TEX14: variants seen among roughly 807,000 people sequenced by gnomAD.
The protein encoded by TEX14 is testis expressed 14, intercellular bridge forming factor.
Under a neutral mutation model 178.6 loss-of-function variants are expected in TEX14, and 168 were observed. The ratio of observed to expected loss-of-function variants is 0.94; its 90% CI spans 0.83 to 1.07. The LOEUF (loss-of-function observed/expected upper bound fraction) is 1.07. TEX14 is among the 50% of genes least tolerant of loss of function. The probability of loss-of-function intolerance (pLI) is 0.00; values close to 1 mark genes in which losing one functional copy is unlikely to be tolerated. For missense variants in TEX14, 1,730 were observed against 1,753.6 expected (o/e 0.99, Z 0.24); for synonymous variants, 626 against 634.1 (o/e 0.99, Z 0.19).
intron 10 of TEX14, among the ~76,000 whole-genome samples, chr17:58,608,416 CAA>C (rs561515686): frequency 4.6e-5 from 5 of 108,360 alleles, no homozygotes; most frequent in Non-Finnish European, 5.8e-5. Context: ...GACTCCATCT[CAA>C]AAAAAAAAAA....
chr17:58,589,624 C>T (rs1598362728), intron 15 of TEX14, among the ~76,000 whole-genome samples: 1 of 145,306 alleles, frequency 6.9e-6, no homozygotes, highest in Non-Finnish European at 1.5e-5. Flanking sequence ...ATCTAGAATG[C>T]CCTACTCTCC....
At chr17:58,659,299 A>G (rs2047056090) in intron 1 of TEX14, 10 of 971,248 alleles carry the variant, frequency 1.0e-5, no homozygotes, top group Non-Finnish European at 1.2e-5. Flanking sequence ...CCCCGCCACA[A>G]AGACATTATT....
At chr17:58,629,389 G>C (rs2046225785) in intron 3 of TEX14, among the ~76,000 whole-genome samples, 1 of 151,536 alleles carries the variant, frequency 6.6e-6, no homozygotes, top group Non-Finnish European at 1.5e-5. Context: ...GGGTGGCAGA[G>C]GCTGCAGTGA....
intron 13 of TEX14, among the ~76,000 whole-genome samples, chr17:58,601,444 C>T (rs542301903): frequency 6.6e-6 from 1 of 151,884 alleles, no homozygotes; most frequent in African/African-American, 2.4e-5. Context: ...ATTGCTTGAA[C>T]CCGGGAGGCG....
intron 1 of TEX14, among the ~76,000 whole-genome samples, chr17:58,670,147 TA>T (rs1230519958): frequency 6.6e-6 from 1 of 152,232 alleles, no homozygotes; most frequent in Non-Finnish European, 1.5e-5. Context: ...GTTATCATAG[TA>T]AGAGTCCTTT....
At chr17:58,584,667 A>C (rs937819604) in intron 18 of TEX14, 67 bp from the exon 19 acceptor site, 4 of 1,285,618 alleles carry the variant, frequency 3.1e-6, no homozygotes, top group Non-Finnish European at 4.5e-6. Flanking sequence ...GAAGAGGATA[A>C]AGGTGGCATG....
chr17:58,650,083 G>A (rs754344373), intron 2 of TEX14, among the ~76,000 whole-genome samples: 9 of 148,386 alleles, frequency 6.1e-5, no homozygotes, highest in Non-Finnish European at 1.3e-4. Flanking sequence ...CTGAGACAGA[G>A]TCTCACTTTT....
At chr17:58,608,067 G>A (rs890511008) in intron 10 of TEX14, among the ~76,000 whole-genome samples, 1 of 152,170 alleles carries the variant, frequency 6.6e-6, no homozygotes, top group Non-Finnish European at 1.5e-5. Context: ...CAGATCGCAT[G>A]AGTCCAGGAG....
chr17:58,594,409 A>T (rs1393311324), intron 14 of TEX14, among the ~76,000 whole-genome samples: 1 of 148,886 alleles, frequency 6.7e-6, no homozygotes, highest in Non-Finnish European at 1.5e-5. Context: ...GGAGTGCAGT[A>T]GCCTGGTCTC....
rs939681438 is a variant in TEX14, at chr17:58,621,869, G to A, written c.418-83C>T. On this transcript the variant is annotated intron_variant, in intron 4 of 31. Coordinates refer to ENST00000349033, the MANE Select transcript of TEX14 (RefSeq NM_031272.5). ...GCTTGGGTATGAAGATAAGTGGTCC[G>A]AGGAGCTGAGAGCCCCCAACAGAAA... The A allele has an allele frequency of 7.7e-6, 11 of 1,434,218 alleles. No homozygotes were observed. In the African/African-American group the frequency reaches 1.1e-4, roughly 15 times the overall value. 88.8% of individuals were successfully genotyped at this position (1,434,218 alleles called of 1,614,324 possible). A position where few individuals can be genotyped will look rare whatever the true frequency, so the allele number is the denominator to read the frequency against.
In TEX14 at chr17:58,592,269, G is replaced by A. The variant is rs1438832322; in HGVS notation, c.2576+1286C>T. ...TTTTGAGTCAGAATCTCACTCTGTTGCCAAGGCTGGAGTGCAGTGGTGCCA... is the reference window on the plus strand; with the variant it reads ...TTTTGAGTCAGAATCTCACTCTGTTACCAAGGCTGGAGTGCAGTGGTGCCA... On this transcript the variant is annotated intron_variant, in intron 15 of 31. Coordinates refer to ENST00000349033, the MANE Select transcript of TEX14 (RefSeq NM_031272.5). 2.0e-5 allele frequency among the ~76,000 whole-genome samples: 3 copies of A among 149,568 alleles called. No homozygotes were observed. In the East Asian group the frequency reaches 5.8e-4, roughly 29 times the overall value.
intron 14 of TEX14, among the ~76,000 whole-genome samples, chr17:58,598,455 C>T (rs2045346308): frequency 6.6e-6 from 1 of 152,046 alleles, no homozygotes; most frequent in Non-Finnish European, 1.5e-5. Flanking sequence ...ATAAGTTGAG[C>T]CATGCAAAAT....
intron 20 of TEX14, 34 bp from the exon 21 acceptor site, chr17:58,577,490 T>TATA: frequency 6.8e-6 from 5 of 733,582 alleles, no homozygotes; most frequent in Non-Finnish European, 9.8e-6. Context: ...TATATATATA[T>TATA]TTTTTTTTAC....
intron 1 of TEX14, among the ~76,000 whole-genome samples, chr17:58,659,170 T>A (rs911179666): frequency 6.6e-6 from 1 of 151,782 alleles, no homozygotes; most frequent in Non-Finnish European, 1.5e-5. Flanking sequence ...GCAAAAGCAG[T>A]CCCCCACTAC....
At chr17:58,585,779 T>C in intron 18 of TEX14, 22 bp downstream of exon 18, 1 of 1,612,772 alleles carries the variant, frequency 6.2e-7, no homozygotes, top group South Asian at 1.1e-5. Context: ...TCACCTATCC[T>C]GATTCCCGCA....
At chr17:58,663,749 T>A in intron 1 of TEX14, among the ~76,000 whole-genome samples, 1 of 152,166 alleles carries the variant, frequency 6.6e-6, no homozygotes, top group East Asian at 1.9e-4. Context: ...ATTACAGGCA[T>A]GAGCCAATGT....
At chr17:58,641,540 C>G (rs1258025466) in intron 2 of TEX14, among the ~76,000 whole-genome samples, 1 of 148,570 alleles carries the variant, frequency 6.7e-6, no homozygotes, top group East Asian at 2.0e-4. Flanking sequence ...GTCTCATTCT[C>G]TCCAGACTGG....
chr17:58,650,722 C>T (rs901481515), intron 2 of TEX14, among the ~76,000 whole-genome samples: 1 of 152,158 alleles, frequency 6.6e-6, no homozygotes, highest in Non-Finnish European at 1.5e-5. Context: ...ATTCTCTTGC[C>T]TCAGCCTCCC....
At chr17:58,609,625 G>A (rs1157945165) in intron 10 of TEX14, among the ~76,000 whole-genome samples, 1 of 152,162 alleles carries the variant, frequency 6.6e-6, no homozygotes, top group Admixed American at 6.5e-5. Context: ...GCATCCCAGT[G>A]TTCTTAAGAT....
Sources: allele counts gnomAD v4.1 joint callset (sites outside exome capture counted in the v4.1 genomes callset), GRCh38; gene constraint gnomAD v4.1.1; transcripts MANE v1.5; gene names NCBI Gene and HGNC (gene_info 2026-07-23, HGNC 2026-07-21).